NALF1: variants seen among roughly 807,000 people sequenced by gnomAD.
NALF1 encodes the protein NALCN channel auxiliary factor 1.
Under a neutral mutation model 48.4 loss-of-function variants are expected in NALF1, and 3 were observed. That is an observed-to-expected ratio of 0.06 (90% confidence interval 0.03 to 0.16). The LOEUF is 0.16. NALF1 is among the 10% of genes least tolerant of loss of function. The pLI is 1.00. For missense variants in NALF1, 526 were observed against 571.5 expected (o/e 0.92, Z 0.81); for synonymous variants, 262 against 245.7 (o/e 1.07, Z -0.62).
chr13:107,319,596 T>C (rs1407534279), intron 1 of NALF1, among the ~76,000 whole-genome samples: 1 of 152,106 alleles, frequency 6.6e-6, no homozygotes, highest in Non-Finnish European at 1.5e-5. Flanking sequence ...GAAACACATA[T>C]AAATATTTAA....
At chr13:107,221,128 TG>T (rs2138815229) in intron 1 of NALF1, among the ~76,000 whole-genome samples, 1 of 152,048 alleles carries the variant, frequency 6.6e-6, no homozygotes, top group East Asian at 1.9e-4. Context: ...AGACTCAGAA[TG>T]GGGGAGTTTG....
intron 1 of NALF1, among the ~76,000 whole-genome samples, chr13:107,738,045 C>G (rs895533202): frequency 3.9e-5 from 6 of 152,112 alleles, no homozygotes; most frequent in African/African-American, 1.2e-4. Context: ...TATTTAAAAA[C>G]ACGGCTCTTT....
At chr13:107,726,207 G>T (rs1382479186) in intron 1 of NALF1, among the ~76,000 whole-genome samples, 1 of 152,010 alleles carries the variant, frequency 6.6e-6, no homozygotes, top group Non-Finnish European at 1.5e-5. Flanking sequence ...TCTTTTTGAT[G>T]TGCAAAAATG....
intron 1 of NALF1, among the ~76,000 whole-genome samples, chr13:107,779,999 T>G (rs1877838960): frequency 6.6e-6 from 1 of 152,120 alleles, no homozygotes; most frequent in African/African-American, 2.4e-5. Flanking sequence ...AAATGTACTC[T>G]TATTACTTTG....
rs1258861080 is a variant in NALF1 at position 107,697,656 on chromosome 13, A to G, written c.915+168026T>C. On this transcript the variant is annotated intron_variant, in intron 1 of 2. Coordinates refer to ENST00000375915, the MANE Select transcript of NALF1 (RefSeq NM_001080396.3). ...AAGTAAGCTCTCTATCAAAATGCTT[A>G]TCAAGAAAGAAGGAAAAAAATTCAT... 2.6e-5 allele frequency among the ~76,000 whole-genome samples: 4 copies of G among 152,164 alleles called. No homozygotes were observed. In the East Asian group the frequency reaches 7.7e-4, roughly 29 times the overall value.
chr13:107,328,822 C>A (rs942065965), intron 1 of NALF1, among the ~76,000 whole-genome samples: 1 of 152,182 alleles, frequency 6.6e-6, no homozygotes, highest in Non-Finnish European at 1.5e-5. Context: ...TGGTGGCCAA[C>A]GCTATCAAAA....
chr13:107,465,794 T>C (rs1323684), intron 1 of NALF1, among the ~76,000 whole-genome samples: 8,265 of 152,292 alleles, frequency 0.054, 251 homozygotes, highest in South Asian at 0.075. Context: ...GTAGCAGATT[T>C]TGCATCTGGT....
Position 107,706,464 on chromosome 13 carries a change from T to A in NALF1, c.915+159218A>T, listed in dbSNP as rs116238615. Among the ~76,000 whole-genome samples the A allele has an allele frequency of 3.3e-3, 497 of 152,304 alleles. 4 individuals are homozygous for A. Among genetic ancestry groups the A allele is most frequent in the African/African-American group, 0.012 (480 of 41,572 alleles). On this transcript the variant is annotated intron_variant, in intron 1 of 2. Coordinates refer to ENST00000375915, the MANE Select transcript of NALF1 (RefSeq NM_001080396.3). ...CATGCATTCTTTTTAAGAAGATGAG[T>A]TTTATTCTAAAGTAGATTTTCTTAT...
intron 1 of NALF1, among the ~76,000 whole-genome samples, chr13:107,584,412 AT>A (rs943047684): frequency 5.3e-5 from 8 of 152,258 alleles, no homozygotes; most frequent in African/African-American, 1.7e-4. Flanking sequence ...TTTCTTCTAA[AT>A]TTTAGACTTG....
intron 1 of NALF1, among the ~76,000 whole-genome samples, chr13:107,723,956 T>G (rs1291048034): frequency 1.3e-5 from 2 of 152,230 alleles, no homozygotes; most frequent in African/African-American, 4.8e-5. Context: ...AAATATTTGA[T>G]TTCTACATTG....
chr13:107,594,221 A>G (rs538882173), intron 1 of NALF1, among the ~76,000 whole-genome samples: 1 of 152,202 alleles, frequency 6.6e-6, no homozygotes, highest in African/African-American at 2.4e-5. Flanking sequence ...AGCTTCCAGC[A>G]TGACAGCAAT....
At chr13:107,448,850 C>T (rs1026067315) in intron 1 of NALF1, among the ~76,000 whole-genome samples, 2 of 152,166 alleles carry the variant, frequency 1.3e-5, no homozygotes, top group Non-Finnish European at 2.9e-5. Context: ...TACCACTTTT[C>T]TCAAGCTGAT....
At chr13:107,212,718 G>A (rs903113837) in intron 1 of NALF1, among the ~76,000 whole-genome samples, 1 of 152,222 alleles carries the variant, frequency 6.6e-6, no homozygotes, top group African/African-American at 2.4e-5. Flanking sequence ...CTAAGCTGTA[G>A]TATAGGAATG....
At chr13:107,494,599 T>A (rs117844205) in intron 1 of NALF1, among the ~76,000 whole-genome samples, 1,961 of 152,302 alleles carry the variant, frequency 0.013, 24 homozygotes, top group South Asian at 0.036. Flanking sequence ...GCAATGAGAT[T>A]CAAGTGCATT....
chr13:107,444,508 G>T (rs2139029167), intron 1 of NALF1, among the ~76,000 whole-genome samples: 1 of 152,110 alleles, frequency 6.6e-6, no homozygotes, highest in South Asian at 2.1e-4. Flanking sequence ...TAAGAGAGTT[G>T]GAATAATGCA....
intron 1 of NALF1, among the ~76,000 whole-genome samples, chr13:107,592,979 T>C (rs969919000): frequency 6.6e-6 from 1 of 151,888 alleles, no homozygotes. Context: ...ATAAATCTTT[T>C]ATAGATATAT....
rs971463614 is a variant in NALF1 at position 107,371,024 on chromosome 13, T to C, written c.916-160269A>G. Among the ~76,000 whole-genome samples, 40 of 152,278 alleles carry C rather than the reference T, an allele frequency of 2.6e-4. 1 individual carries two copies. The highest frequency in any genetic ancestry group is 8.4e-4 in the African/African-American group (35 of 41,556). On this transcript the variant is annotated intron_variant, in intron 1 of 2. Coordinates refer to ENST00000375915, the MANE Select transcript of NALF1 (RefSeq NM_001080396.3). ...GGATTATGGGAACTACAATTCAAGA[T>C]GAGATTTGGGTGGGGACACCGCCAA...
chr13:107,270,608 A>T (rs2138862604), intron 1 of NALF1, among the ~76,000 whole-genome samples: 1 of 151,898 alleles, frequency 6.6e-6, no homozygotes, highest in African/African-American at 2.4e-5. Context: ...GTGAGGTTTT[A>T]GTCAAGGATA....
In NALF1 at chr13:107,837,841, T is replaced by C. The variant is rs189558196; in HGVS notation, c.915+27841A>G. 7.2e-5 allele frequency among the ~76,000 whole-genome samples: 11 copies of C among 152,170 alleles called. 1 individual carries two copies. Among genetic ancestry groups the C allele is most frequent in the Admixed American group, 5.9e-4 (9 of 15,282 alleles). ...CAAAAAAGCCTGAAATACTCTAAGA[T>C]CATTTGATGGAGGTTTCCCTGTGAG... On this transcript the variant is annotated intron_variant, in intron 1 of 2. Coordinates refer to ENST00000375915, the MANE Select transcript of NALF1 (RefSeq NM_001080396.3).
Sources: allele counts gnomAD v4.1 joint callset (sites outside exome capture counted in the v4.1 genomes callset), GRCh38; gene constraint gnomAD v4.1.1; transcripts MANE v1.5; gene names NCBI Gene and HGNC (gene_info 2026-07-23, HGNC 2026-07-21).